The following GOLGA8A variants were observed in gnomAD, a reference collection of about 807,000 sequenced individuals.
GOLGA8A encodes the protein golgin subfamily A member 8A.
In GOLGA8A, 3 loss-of-function variants were observed where a neutral mutation model predicts 22.1. That is an observed-to-expected ratio of 0.14 (90% CI 0.06 to 0.35). The LOEUF (loss-of-function observed/expected upper bound fraction) is 0.35, where lower values mean the gene tolerates loss of function less well. Among genes scored for constraint, GOLGA8A ranks in the 10% least tolerant of loss-of-function variants. GOLGA8A has a pLI of 1.00. For missense variants in GOLGA8A, 16 were observed against 233.2 expected (o/e 0.07, Z 6.07); for synonymous variants, 7 against 91.7 (o/e 0.08, Z 5.28).
intron 1 of GOLGA8A, among the ~76,000 whole-genome samples, chr15:34,436,918 C>T (rs919286611): frequency 2.0e-5 from 3 of 149,684 alleles, no homozygotes; most frequent in African/African-American, 7.4e-5. Flanking sequence ...AAGATCCGGG[C>T]TCGAGTTCTC....
At chr15:34,436,409 C>T (rs1425034558) in intron 1 of GOLGA8A, among the ~76,000 whole-genome samples, 1 of 149,952 alleles carries the variant, frequency 6.7e-6, no homozygotes, top group African/African-American at 2.5e-5. Context: ...TCCTCCACCG[C>T]ATGCCTGTTT....
chr15:34,434,030 G>A (rs1005668141), intron 2 of GOLGA8A, among the ~76,000 whole-genome samples: 4 of 148,894 alleles, frequency 2.7e-5, no homozygotes, highest in African/African-American at 9.9e-5. Context: ...GCAAATCCGA[G>A]GACCAAGGGA....
At chr15:34,433,924 A>T (rs1893368988) in intron 2 of GOLGA8A, among the ~76,000 whole-genome samples, 1 of 149,558 alleles carries the variant, frequency 6.7e-6, no homozygotes, top group Non-Finnish European at 1.5e-5. Flanking sequence ...GGGAGCCGGC[A>T]ATAAGTGAGG....
At chr15:34,423,488 G>A (rs1301779199) in intron 2 of GOLGA8A, among the ~76,000 whole-genome samples, 4 of 147,542 alleles carry the variant, frequency 2.7e-5, no homozygotes, top group Non-Finnish European at 6.0e-5. Flanking sequence ...AGTGTAAAAA[G>A]TCTATGATGT....
rs186473382 is a variant in GOLGA8A at position 34,421,895 on chromosome 15, C to T, written c.-1123+13488G>A. On this transcript the variant is annotated intron_variant, in intron 2 of 24. Coordinates refer to ENST00000359187, the MANE Select transcript of GOLGA8A (RefSeq NM_181077.5). ...AAGTCAGGTGTCCCTGAGAAACACC[C>T]GGCAACATGCAGAACCACAGAGACA... 1.4e-3 allele frequency among the ~76,000 whole-genome samples: 197 copies of T among 138,438 alleles called. 1 individual carries two copies. The highest frequency in any genetic ancestry group is 2.4e-3 in the Non-Finnish European group (150 of 63,738). The allele number at this position is 138,438 out of a possible 152,430, so 90.8% of individuals were successfully genotyped here.
At chr15:34,418,448 ATTT>A (rs1253030055) in intron 2 of GOLGA8A, 3 of 143,086 alleles carry the variant, frequency 2.1e-5, no homozygotes, top group African/African-American at 7.6e-5. Context: ...GTTTTACAAG[ATTT>A]TTTCTGCAGG....
At chr15:34,420,281 C>G (rs200313360) in intron 2 of GOLGA8A, 1 of 144,604 alleles carries the variant, frequency 6.9e-6, no homozygotes, top group East Asian at 2.1e-4. Context: ...GTAAAATCAA[C>G]AATCTCAGTG....
rs549522537 is a variant in GOLGA8A at position 34,430,268 on chromosome 15, G to A, written c.-1123+5115C>T. On this transcript the variant is annotated intron_variant, in intron 2 of 24. Coordinates refer to ENST00000359187, the MANE Select transcript of GOLGA8A (RefSeq NM_181077.5). Reference sequence around the variant, plus strand: ...TTCCAACCCAACACAGCACAAAGACGTCTTCCCCAACAACCGCACATCCCA... The same window carrying A: ...TTCCAACCCAACACAGCACAAAGACATCTTCCCCAACAACCGCACATCCCA... Among the ~76,000 whole-genome samples the A allele has an allele frequency of 1.3e-5, 2 of 149,370 alleles. 1 individual carries two copies. The highest frequency in any genetic ancestry group is 6.8e-3 in the Middle Eastern group (2 of 292).
intron 2 of GOLGA8A, among the ~76,000 whole-genome samples, chr15:34,427,330 C>CAAAAAAAAAAA (rs67775520): frequency 1.3e-5 from 1 of 78,850 alleles, no homozygotes; most frequent in Non-Finnish European, 2.5e-5. Context: ...GACTCCGTCA[C>CAAAAAAAAAAA]AAAAAAAAAA....
At chr15:34,428,329 A>C (rs1566912820) in intron 2 of GOLGA8A, among the ~76,000 whole-genome samples, 1 of 148,184 alleles carries the variant, frequency 6.7e-6, no homozygotes, top group Non-Finnish European at 1.5e-5. Context: ...TCCTGGGCTT[A>C]AGCGATCCTC....
intron 2 of GOLGA8A, among the ~76,000 whole-genome samples, chr15:34,432,167 T>C (rs1207299032): frequency 6.7e-6 from 1 of 149,206 alleles, no homozygotes; most frequent in Non-Finnish European, 1.5e-5. Context: ...GTCAGCCACC[T>C]TCCTGGAGGG....
At chr15:34,404,529 T>C (rs1257705077) in intron 5 of GOLGA8A, among the ~76,000 whole-genome samples, 1 of 149,538 alleles carries the variant, frequency 6.7e-6, no homozygotes, top group African/African-American at 2.5e-5. Context: ...TCCCAGCACT[T>C]TGGCAGGCTG....
intron 2 of GOLGA8A, among the ~76,000 whole-genome samples, chr15:34,430,499 G>A (rs1233454383): frequency 6.7e-6 from 1 of 149,008 alleles, no homozygotes; most frequent in Non-Finnish European, 1.5e-5. Context: ...TCCTGCCTCA[G>A]GGGCTCAGAA....
chr15:34,435,713 A>G lies in GOLGA8A; in HGVS notation c.-1211-242T>C, dbSNP rs113412431. On this transcript the variant is annotated intron_variant, in intron 1 of 24. Coordinates refer to ENST00000359187, the MANE Select transcript of GOLGA8A (RefSeq NM_181077.5). ...GCCCAAGAGCCAGACAGTGGGGAGGAGCACAGACCACACTTCCTAACAAAT... is the reference window on the plus strand; with the variant it reads ...GCCCAAGAGCCAGACAGTGGGGAGGGGCACAGACCACACTTCCTAACAAAT... 4.2e-4 allele frequency among the ~76,000 whole-genome samples: 63 copies of G among 148,510 alleles called. 2 individuals carry two copies. In the East Asian group the frequency reaches 5.7e-3, roughly 14 times the overall value.
At chr15:34,393,800 T>TA (rs1426800222) in intron 8 of GOLGA8A, among the ~76,000 whole-genome samples, 1 of 104,544 alleles carries the variant, frequency 9.6e-6, no homozygotes, top group African/African-American at 3.3e-5. Flanking sequence ...AAAGATTTTT[T>TA]AAAGTTCACT....
intron 1 of GOLGA8A, among the ~76,000 whole-genome samples, chr15:34,436,914 C>G (rs1036597808): frequency 3.3e-5 from 5 of 149,646 alleles, no homozygotes; most frequent in African/African-American, 1.2e-4. Context: ...GGCGAAGATC[C>G]GGGCTCGAGT....
chr15:34,434,475 GGA>G (rs1394597412), intron 2 of GOLGA8A, among the ~76,000 whole-genome samples: 8 of 149,288 alleles, frequency 5.4e-5, no homozygotes, highest in African/African-American at 9.9e-5. Flanking sequence ...GTCTGGACAG[GGA>G]GAGAGGGGAG....
Position 34,436,233 on chromosome 15 carries a change from C to T in GOLGA8A, c.-1211-762G>A, listed in dbSNP as rs147667109. ...CTTAGGAAAACTTGTCCCACTTCAA[C>T]CTGCAAAGCTCTCAGGTCATTACTT... is the stretch of plus-strand genomic sequence containing the variant. On this transcript the variant is annotated intron_variant, in intron 1 of 24. Coordinates refer to ENST00000359187, the MANE Select transcript of GOLGA8A (RefSeq NM_181077.5). Among the ~76,000 whole-genome samples the T allele has an allele frequency of 6.7e-5, 10 of 149,600 alleles. No homozygotes were observed. In the East Asian group the frequency reaches 1.4e-3, roughly 21 times the overall value.
chr15:34,417,784 T>C (rs1278605486), intron 2 of GOLGA8A: 1 of 148,060 alleles, frequency 6.8e-6, no homozygotes, highest in East Asian at 2.1e-4. Flanking sequence ...AGATCTAGGA[T>C]GTAGCTCTAG....
Sources: allele counts gnomAD v4.1 joint callset (sites outside exome capture counted in the v4.1 genomes callset), GRCh38; gene constraint gnomAD v4.1.1; transcripts MANE v1.5; gene names NCBI Gene and HGNC (gene_info 2026-07-23, HGNC 2026-07-21).